Variants in PPARG observed in about 807,000 individuals in gnomAD.
PPARG encodes peroxisome proliferator activated receptor gamma.
A neutral mutation model predicts 39.2 loss-of-function variants in PPARG; 17 were observed. The ratio of observed to expected loss-of-function variants is 0.43; its 90% CI spans 0.30 to 0.65. PPARG has a LOEUF of 0.65. PPARG is among the 30% of genes least tolerant of loss of function. The pLI is 0.13. For missense variants in PPARG, 406 were observed against 585.9 expected, an observed-to-expected ratio of 0.69 and a Z score of 3.17; for synonymous variants, 223 against 215.7, an observed-to-expected ratio of 1.03 and a Z score of -0.30.
At chr3:12,288,574 T>C (rs1212777182), upstream of PPARG, among the ~76,000 whole-genome samples, 1 of 152,042 alleles carries the variant, frequency 6.6e-6, no homozygotes, top group Admixed American at 6.5e-5. Context: ...GCGTCCGTCC[T>C]GAGGCCGCGC....
chr3:12,417,460 A>T (rs1188368771), intron 7 of PPARG, among the ~76,000 whole-genome samples: 1 of 151,766 alleles, frequency 6.6e-6, no homozygotes, highest in East Asian at 1.9e-4. Flanking sequence ...TTTTCCTTCC[A>T]GAAAGGAAGA....
At chr3:12,301,697 C>A (rs2046930302) in intron 1 of PPARG, 1 of 152,156 alleles carries the variant, frequency 6.6e-6, no homozygotes, top group South Asian at 2.1e-4. Context: ...ATGCAAGGAA[C>A]TTCCATGCTC....
intron 6 of PPARG, among the ~76,000 whole-genome samples, chr3:12,415,632 T>C (rs2125281102): frequency 6.6e-6 from 1 of 152,360 alleles, no homozygotes; most frequent in Non-Finnish European, 1.5e-5. Context: ...GCATGTATTT[T>C]ATTGATTGTT....
intron 1 of PPARG, among the ~76,000 whole-genome samples, chr3:12,297,472 T>C (rs1014042494): frequency 1.3e-5 from 2 of 152,218 alleles, no homozygotes; most frequent in Non-Finnish European, 2.9e-5. Context: ...CATACATTTA[T>C]AGCTTTTTTT....
chr3:12,414,895 C>G (rs536736033), intron 6 of PPARG, among the ~76,000 whole-genome samples: 38 of 152,096 alleles, frequency 2.5e-4, no homozygotes, highest in Non-Finnish European at 5.1e-4. Flanking sequence ...GTAAAAACTT[C>G]CAGAATAACT....
intron 1 of PPARG, among the ~76,000 whole-genome samples, chr3:12,303,416 G>A (rs574525682): frequency 6.6e-6 from 1 of 152,250 alleles, no homozygotes; most frequent in South Asian, 2.1e-4. Flanking sequence ...AGCTAGGCTG[G>A]TTTCGAACTC....
intron 2 of PPARG, among the ~76,000 whole-genome samples, chr3:12,349,250 T>A (rs534545429): frequency 1.3e-5 from 2 of 152,188 alleles, no homozygotes; most frequent in Non-Finnish European, 2.9e-5. Flanking sequence ...GATGAATAAA[T>A]GTGGAAATAA....
At chr3:12,414,008 T>G (rs1020587943) in intron 6 of PPARG, among the ~76,000 whole-genome samples, 1 of 151,630 alleles carries the variant, frequency 6.6e-6, no homozygotes, top group Non-Finnish European at 1.5e-5. Context: ...TATTACAGAG[T>G]TTCAAAAACA....
chr3:12,315,902 A>T (rs558483249), intron 2 of PPARG, among the ~76,000 whole-genome samples: 145 of 152,280 alleles, frequency 9.5e-4, no homozygotes, highest in African/African-American at 3.3e-3. Context: ...CTTTGAAAAA[A>T]ATCTCTTGAT....
At chr3:12,431,541 AAC>A (rs1215085524) in intron 7 of PPARG, among the ~76,000 whole-genome samples, 1 of 152,242 alleles carries the variant, frequency 6.6e-6, no homozygotes, top group Middle Eastern at 3.2e-3. Context: ...AATTTTTAAA[AAC>A]AGACTTGATT....
chr3:12,421,542 TG>T (rs1053788148), intron 7 of PPARG, among the ~76,000 whole-genome samples: 29 of 152,196 alleles, frequency 1.9e-4, no homozygotes, highest in African/African-American at 7.0e-4. Context: ...TTTGCTGTTT[TG>T]TGAAGAAAAA....
intron 2 of PPARG, chr3:12,351,506 A>G: frequency 3.9e-6 from 4 of 1,030,138 alleles, no homozygotes; most frequent in South Asian, 3.8e-5. Flanking sequence ...TGTTACTTCA[A>G]GTCTTTTTCT....
chr3:12,351,488 AC>A, intron 2 of PPARG: 1 of 880,750 alleles, frequency 1.1e-6, no homozygotes, highest in Non-Finnish European at 1.9e-6. Flanking sequence ...GGGTGTATTC[AC>A]AAATTCTGTT....
intron 5 of PPARG, chr3:12,399,589 T>TA (rs199689761): frequency 0.16 from 19,417 of 118,920 alleles, 1,471 homozygotes; most frequent in Admixed American, 0.27. Context: ...CCTGTCTCTT[T>TA]AAAAAAAAAA....
At chr3:12,351,743 T>C in intron 2 of PPARG, 1 of 1,217,568 alleles carries the variant, frequency 8.2e-7, no homozygotes, top group Non-Finnish European at 1.2e-6. Flanking sequence ...ATTGCTCTTG[T>C]AGTTTGTCTT....
chr3:12,307,377 T>G (rs2047101750), intron 1 of PPARG, among the ~76,000 whole-genome samples: 1 of 152,116 alleles, frequency 6.6e-6, no homozygotes, highest in African/African-American at 2.4e-5. Context: ...CATTTGTGAG[T>G]GTTCACATAC....
At position 12,416,772 on chromosome 3, in the gene PPARG, C is replaced by A. The variant is rs1030400023; in HGVS notation, c.798C>A (p.Thr266=). Residue 266 remains threonine, a synonymous_variant, in exon 7 of 8, where the codon ACC becomes ACA. Coordinates refer to ENST00000651735, the MANE Select transcript of PPARG (RefSeq NM_138711.6). Reference sequence around the variant, plus strand: ...ATAAAATCAAGTTCAAACACATCACCCCCCTGCAGGAGCAGAGCAAAGAGG... The same window carrying A: ...ATAAAATCAAGTTCAAACACATCACACCCCTGCAGGAGCAGAGCAAAGAGG... ...GEDKIKFKHI[T]PLQEQSKEVA... is the part of the protein sequence containing the mutation. The A allele has an allele frequency of 4.3e-6, 7 of 1,614,070 alleles. No individual in the cohort carries two copies. Among genetic ancestry groups the A allele is most frequent in the Admixed American group, 1.7e-5 (1 of 60,014 alleles).
At chr3:12,382,119 G>T (rs543121902) in intron 4 of PPARG, among the ~76,000 whole-genome samples, 1 of 152,072 alleles carries the variant, frequency 6.6e-6, no homozygotes, top group Non-Finnish European at 1.5e-5. Context: ...GTGGCAGACC[G>T]CAGTCTAGAC....
Position 12,392,731 on chromosome 3 carries a change from G to T in PPARG, c.508G>T (p.Ala170Ser). The T allele has an allele frequency of 4.3e-6, 7 of 1,613,832 alleles. No homozygotes were observed. Among genetic ancestry groups the T allele is most frequent in the Non-Finnish European group, 5.1e-6 (6 of 1,179,796 alleles). ...CQYCRFQKCLAVGMSHNAIRF... is the reference protein window; with the variant it reads ...CQYCRFQKCLSVGMSHNAIRF... ...GTACTGTCGGTTTCAGAAATGCCTT[G>T]CAGTGGGGATGTCTCATAATGGTAA... The change falls in exon 5 of 8, where the codon GCA (alanine) becomes TCA (serine). Residue 170 changes from alanine (A) to serine (S), a missense_variant. By Grantham distance (99) the Ala-to-Ser change is moderately conservative. Transcript: ENST00000651735.
Sources: allele counts gnomAD v4.1 joint callset (sites outside exome capture counted in the v4.1 genomes callset), GRCh38; gene constraint gnomAD v4.1.1; transcripts MANE v1.5; gene names NCBI Gene and HGNC (gene_info 2026-07-23, HGNC 2026-07-21).